Variants in PRKN observed in about 807,000 individuals in gnomAD.
The protein encoded by PRKN is parkin RBR E3 ubiquitin protein ligase.
In PRKN, 56 loss-of-function variants were observed where a neutral mutation model predicts 59.5. That is an observed-to-expected ratio of 0.94 (90% confidence interval 0.76 to 1.18). PRKN has a LOEUF of 1.18. Among genes scored for constraint, PRKN ranks in the 50% most tolerant of loss-of-function variants. The pLI, the probability that PRKN is intolerant of heterozygous loss-of-function variation, is 0.00. For synonymous variants in PRKN, 250 were observed against 222.1 expected (o/e 1.13, Z -1.12); for missense variants, 657 against 596.4 (o/e 1.10, Z -1.06).
chr6:162,174,984 A>C (rs946895993), intron 4 of PRKN, among the ~76,000 whole-genome samples: 10 of 152,244 alleles, frequency 6.6e-5, no homozygotes, highest in African/African-American at 2.4e-4. Flanking sequence ...TACACAGCCT[A>C]CCGAGGTGTC....
In PRKN at chr6:162,467,092, A is replaced by G. The variant is rs373208740; in HGVS notation, c.8-23619T>C. 2.6e-5 allele frequency among the ~76,000 whole-genome samples: 4 copies of G among 152,176 alleles called. No homozygotes were observed. The South Asian group carries it at 6.2e-4, about 24-fold the overall frequency. On this transcript the variant is annotated intron_variant, in intron 1 of 11. Coordinates refer to ENST00000366898, the MANE Select transcript of PRKN (RefSeq NM_004562.3). ...ATTAGTATTATGAGTCTTTGCTAAA[A>G]TGTTGACTTCTTATGGAAGGCCTCT... is the stretch of plus-strand genomic sequence containing the variant.
chr6:161,860,406 T>G (rs1793844649), intron 6 of PRKN, among the ~76,000 whole-genome samples: 1 of 152,210 alleles, frequency 6.6e-6, no homozygotes, highest in Non-Finnish European at 1.5e-5. Context: ...ATAAAGGACT[T>G]GAAAAGGAAA....
chr6:162,536,859 G>A (rs1778741619), intron 1 of PRKN, among the ~76,000 whole-genome samples: 2 of 152,276 alleles, frequency 1.3e-5, no homozygotes, highest in South Asian at 4.1e-4. Context: ...AACACAGCAT[G>A]CAAAGATGCA....
At chr6:162,309,572 A>T (rs1402922979) in intron 2 of PRKN, among the ~76,000 whole-genome samples, 1 of 152,188 alleles carries the variant, frequency 6.6e-6, no homozygotes, top group East Asian at 1.9e-4. Context: ...GAATAAGCAC[A>T]TGGAGCTGAT....
rs1790620126 is a variant in PRKN, at chr6:161,468,941, T to G, written c.1083+79913A>C. On this transcript the variant is annotated intron_variant, in intron 9 of 11. Coordinates refer to ENST00000366898, the MANE Select transcript of PRKN (RefSeq NM_004562.3). The surrounding 1 kb of genome is among the most constrained non-coding windows in gnomAD (Gnocchi z 5.9). Reference sequence around the variant, plus strand: ...CAACCAAGGCAACTTCCTCCTACTTTAAAACCCAGCAGTACACAAATGGGC... The same window carrying G: ...CAACCAAGGCAACTTCCTCCTACTTGAAAACCCAGCAGTACACAAATGGGC... 6.6e-6 allele frequency among the ~76,000 whole-genome samples: 1 copy of G among 152,114 alleles called. No individual in the cohort carries two copies. Among genetic ancestry groups the G allele is most frequent in the African/African-American group, 2.4e-5 (1 of 41,416 alleles).
At chr6:162,501,653 G>A (rs1332119768) in intron 1 of PRKN, among the ~76,000 whole-genome samples, 1 of 151,910 alleles carries the variant, frequency 6.6e-6, no homozygotes, top group Non-Finnish European at 1.5e-5. Context: ...ACCGCGCCCG[G>A]CCATGCTCCT....
At chr6:162,525,798 C>T (rs1018400564) in intron 1 of PRKN, among the ~76,000 whole-genome samples, 3 of 152,114 alleles carry the variant, frequency 2.0e-5, no homozygotes, top group South Asian at 2.1e-4. Context: ...GAGATGTCAT[C>T]GGTTAAATCG....
chr6:162,453,554 T>A lies in PRKN; in HGVS notation c.8-10081A>T, dbSNP rs76676045. ...CTCTGTCCCATCCTAACCAACTATG[T>A]AAGCATGTCACACAGTTTCTCTCTC... On this transcript the variant is annotated intron_variant, in intron 1 of 11. Coordinates refer to ENST00000366898, the MANE Select transcript of PRKN (RefSeq NM_004562.3). Among the ~76,000 whole-genome samples the A allele has an allele frequency of 3.1e-3, 475 of 152,234 alleles. 8 individuals are homozygous for A. The highest frequency in any genetic ancestry group is 0.029 in the South Asian group (139 of 4,818).
intron 7 of PRKN, among the ~76,000 whole-genome samples, chr6:161,754,998 C>T (rs1288181663): frequency 2.6e-5 from 4 of 152,198 alleles, no homozygotes; most frequent in Non-Finnish European, 4.4e-5. Flanking sequence ...GAGAGCTGAC[C>T]TACCAGGGAA....
rs368854437 is a variant in PRKN at position 162,245,381 on chromosome 6, T to C, written c.412+17144A>G. Among the ~76,000 whole-genome samples the C allele has an allele frequency of 6.7e-4, 102 of 152,200 alleles. 2 individuals are homozygous for C. In the South Asian group the frequency reaches 0.02, roughly 29 times the overall value. ...ATTAAATTGCATATTTACCTATCTA[T>C]AATCAAGACACTAATTTTTCCAAAG... On this transcript the variant is annotated intron_variant, in intron 3 of 11. Coordinates refer to ENST00000366898, the MANE Select transcript of PRKN (RefSeq NM_004562.3).
intron 1 of PRKN, among the ~76,000 whole-genome samples, chr6:162,457,898 A>G (rs557124667): frequency 6.6e-6 from 1 of 151,914 alleles, no homozygotes; most frequent in African/African-American, 2.4e-5. Context: ...AGGTGGGCAG[A>G]TCACTTGAGG....
intron 1 of PRKN, among the ~76,000 whole-genome samples, chr6:162,635,591 TTATTATAA>T (rs981612708): frequency 1.1e-5 from 1 of 91,326 alleles, no homozygotes; most frequent in Non-Finnish European, 2.2e-5. Context: ...TTTTCTTATT[TTATTATAA>T]TAATATTATT....
intron 4 of PRKN, among the ~76,000 whole-genome samples, chr6:162,176,419 TA>T (rs1223864447): frequency 6.6e-6 from 1 of 152,108 alleles, no homozygotes; most frequent in African/African-American, 2.4e-5. Flanking sequence ...GACCCATAAG[TA>T]AATCTAGGAC....
chr6:162,426,487 G>C (rs1019459862), intron 2 of PRKN, among the ~76,000 whole-genome samples: 3 of 152,214 alleles, frequency 2.0e-5, no homozygotes, highest in African/African-American at 7.2e-5. Flanking sequence ...GTCTGGCTCT[G>C]TCACCCACGC....
At chr6:162,183,965 A>G (rs1040695088) in intron 4 of PRKN, among the ~76,000 whole-genome samples, 6 of 152,232 alleles carry the variant, frequency 3.9e-5, no homozygotes, top group African/African-American at 1.4e-4. Flanking sequence ...GTTGACAGGA[A>G]TGCTCTAAAC....
chr6:162,223,612 GACACACACACACACACACACAC>G (rs34881644), intron 3 of PRKN, among the ~76,000 whole-genome samples: 1 of 129,248 alleles, frequency 7.7e-6, no homozygotes, highest in Non-Finnish European at 1.6e-5. Flanking sequence ...ATAGACACGT[GACACACACACACACACACACAC>G]ACACACACAC....
intron 4 of PRKN, among the ~76,000 whole-genome samples, chr6:162,087,354 G>C (rs962937915): frequency 6.6e-6 from 1 of 152,034 alleles, no homozygotes; most frequent in African/African-American, 2.4e-5. Flanking sequence ...AAAGAGTTGA[G>C]AACATGAGAA....
At chr6:162,089,878 A>G (rs1779405600) in intron 4 of PRKN, among the ~76,000 whole-genome samples, 1 of 152,086 alleles carries the variant, frequency 6.6e-6, no homozygotes, top group African/African-American at 2.4e-5. Context: ...GTACTCGGGG[A>G]AGAGGGAAGT....
rs566631066 is a variant in PRKN at position 162,079,434 on chromosome 6, T to A, written c.535-25260A>T. 1.1e-4 allele frequency among the ~76,000 whole-genome samples: 17 copies of A among 152,294 alleles called. No individual in the cohort carries two copies. The East Asian group carries it at 3.3e-3, about 29-fold the overall frequency. On this transcript the variant is annotated intron_variant, in intron 4 of 11. Coordinates refer to ENST00000366898, the MANE Select transcript of PRKN (RefSeq NM_004562.3). ...ACCCAAAGCCAGCATCTTATTTTGA[T>A]ACATCATACTCCCTTTTGGATGACT... is the stretch of plus-strand genomic sequence containing the variant.
Sources: gnomAD v4.1 joint callset for allele counts (sites outside exome capture counted in the v4.1 genomes callset) on GRCh38, gnomAD v4.1.1 for gene constraint, Gnocchi (gnomAD v3.1) non-coding constraint, MANE v1.5 for transcripts, NCBI Gene and HGNC (gene_info 2026-07-23, HGNC 2026-07-21) for gene names.